Variants in MICAL3 observed in about 807,000 individuals in gnomAD.
The protein encoded by MICAL3 is microtubule associated monooxygenase, calponin and LIM domain containing 3.
Under a neutral mutation model 207.4 loss-of-function variants are expected in MICAL3, and 62 were observed. That is an observed-to-expected ratio of 0.30 (90% CI 0.24 to 0.37). The LOEUF (loss-of-function observed/expected upper bound fraction) is 0.37. MICAL3 is among the 10% of genes least tolerant of loss of function. The pLI is 1.00. For synonymous variants in MICAL3, 1,077 were observed against 1,069.3 expected (o/e 1.01, Z -0.14); for missense variants, 2,368 against 2,635.6 (o/e 0.90, Z 2.22).
intron 1 of MICAL3, among the ~76,000 whole-genome samples, chr22:17,960,365 G>C (rs1934849410): frequency 6.6e-6 from 1 of 152,232 alleles, no homozygotes; most frequent in Admixed American, 6.5e-5. Context: ...AATGGATGCA[G>C]AATAAATGAA....
chr22:17,854,618 C>A (rs1290611248), intron 19 of MICAL3, among the ~76,000 whole-genome samples: 1 of 152,182 alleles, frequency 6.6e-6, no homozygotes, highest in African/African-American at 2.4e-5. Context: ...TCGCTGAGCA[C>A]CTGCACCCCA....
chr22:18,014,371 G>T (rs2146508260), intron 1 of MICAL3, among the ~76,000 whole-genome samples: 1 of 152,272 alleles, frequency 6.6e-6, no homozygotes, highest in East Asian at 1.9e-4. Context: ...GAGAACCCAG[G>T]AACTGTATAT....
intron 19 of MICAL3, chr22:17,842,290 G>A (rs553397745): frequency 1.3e-4 from 63 of 503,826 alleles, no homozygotes; most frequent in Non-Finnish European, 1.8e-4. Flanking sequence ...GAGGGGAGAC[G>A]CAGTCTCCCC....
intron 25 of MICAL3, among the ~76,000 whole-genome samples, chr22:17,819,567 T>A (rs1019427684): frequency 6.6e-6 from 1 of 151,996 alleles, no homozygotes; most frequent in African/African-American, 2.4e-5. Context: ...TTGTCCTCCC[T>A]AGGAAGCTCA....
At chr22:18,009,971 C>T (rs554095850) in intron 1 of MICAL3, among the ~76,000 whole-genome samples, 1 of 88,624 alleles carries the variant, frequency 1.1e-5, no homozygotes, top group Non-Finnish European at 2.2e-5. Context: ...TTTTACACAG[C>T]TCTGTTTTCA....
At chr22:17,922,655 A>G (rs1932828191) in intron 1 of MICAL3, among the ~76,000 whole-genome samples, 1 of 152,156 alleles carries the variant, frequency 6.6e-6, no homozygotes. Flanking sequence ...ATGGCTCGGG[A>G]CGAAAGAAAA....
At chr22:17,945,515 C>T (rs143961526) in intron 1 of MICAL3, among the ~76,000 whole-genome samples, 55 of 152,302 alleles carry the variant, frequency 3.6e-4, no homozygotes, top group African/African-American at 1.3e-3. Flanking sequence ...AGACCTTCAC[C>T]CATTCACATT....
chr22:17,854,180 A>ATTT (rs1925644210), intron 19 of MICAL3, among the ~76,000 whole-genome samples: 1 of 151,814 alleles, frequency 6.6e-6, no homozygotes, highest in Non-Finnish European at 1.5e-5. Flanking sequence ...CCCCTGGGTC[A>ATTT]CTTGGCAATG....
intron 23 of MICAL3, among the ~76,000 whole-genome samples, chr22:17,822,618 A>AC (rs1004647583): frequency 4.4e-4 from 67 of 151,718 alleles, no homozygotes; most frequent in African/African-American, 9.9e-4. Context: ...CTCGTCCCTG[A>AC]CCCCCTCAGC....
chr22:17,847,517 A>T (rs1207428221), intron 19 of MICAL3, among the ~76,000 whole-genome samples: 1 of 152,244 alleles, frequency 6.6e-6, no homozygotes, highest in Non-Finnish European at 1.5e-5. Flanking sequence ...GTGACACAGC[A>T]GACAAGATCT....
chr22:17,874,747 C>T (rs1165520936), intron 16 of MICAL3, among the ~76,000 whole-genome samples: 2 of 151,942 alleles, frequency 1.3e-5, no homozygotes, highest in African/African-American at 4.8e-5. Context: ...TGCACATAGG[C>T]CTCAACCCAG....
intron 19 of MICAL3, 100 bp downstream of exon 19, chr22:17,864,799 G>A (rs560347115): frequency 6.2e-7 from 1 of 1,613,960 alleles, no homozygotes; most frequent in Non-Finnish European, 8.5e-7. Flanking sequence ...TTGCCCGAAT[G>A]AAGAAATGTT....
intron 16 of MICAL3, among the ~76,000 whole-genome samples, chr22:17,882,722 G>A (rs756962529): frequency 6.6e-6 from 1 of 152,100 alleles, no homozygotes; most frequent in Non-Finnish European, 1.5e-5. Context: ...AGAACCTAAC[G>A]GGGTTCTCAC....
rs1330155688 is a variant in MICAL3, at chr22:17,790,738, C to T, written c.6003G>A (p.Trp2001Ter). 3 of 1,598,224 alleles carry T rather than the reference C, an allele frequency of 1.9e-6. No individual in the cohort carries two copies. The highest frequency in any genetic ancestry group is 1.7e-5 in the Admixed American group (1 of 57,556). Residue 2001 changes from tryptophan (W) to a stop codon, truncating the protein, a stop_gained, in exon 32 of 32, where the codon TGG (tryptophan) becomes TGA (stop). Transcript: ENST00000441493. LOFTEE classifies it high-confidence loss of function. ...TGGAGCGTTGGGTGGGAGCTCAGGA[C>T]CAGTTAAGGCTGAAGCCCTTGGACA... Reference protein sequence around the residue: ...AMLSKGFSLNWS With the variant: ...AMLSKGFSLN
chr22:17,902,672 A>T lies in MICAL3; in HGVS notation c.548T>A (p.Phe183Tyr). Residue 183 changes from phenylalanine (F) to tyrosine (Y), a missense_variant, in exon 4 of 32, where the codon TTC (phenylalanine) becomes TAC (tyrosine). Transcript: ENST00000441493. This position sits in a 1 kb window ranked among gnomAD's most constrained non-coding sequence, Gnocchi z 4.5. The part of the protein sequence containing the change: ...LGIEIHVNVE[F>Y]QGLIQPPEDQ... ...CTCAGGAGGCTGTATAAGTCCTTGG[A>T]ATTCCACATTGACGTGGATTTCAAT... 6.2e-7 allele frequency: 1 copy of T among 1,608,244 alleles called. No individual in the cohort carries two copies. The highest frequency in any genetic ancestry group is 8.5e-7 in the Non-Finnish European group (1 of 1,177,006).
chr22:17,875,676 G>GTATA (rs1360151417), intron 16 of MICAL3: 3 of 201,596 alleles, frequency 1.5e-5, no homozygotes, highest in South Asian at 5.5e-5. Flanking sequence ...TAAATACCAT[G>GTATA]TATAGTAAAA....
intron 17 of MICAL3, among the ~76,000 whole-genome samples, chr22:17,868,065 G>C (rs546188218): frequency 6.6e-6 from 1 of 152,298 alleles, no homozygotes; most frequent in South Asian, 2.1e-4. Context: ...CCAGAAAACT[G>C]TTTTCTCTAG....
intron 1 of MICAL3, among the ~76,000 whole-genome samples, chr22:18,017,815 A>T (rs1236040859): frequency 6.9e-6 from 1 of 145,426 alleles, no homozygotes; most frequent in Non-Finnish European, 1.5e-5. Context: ...CAGTGGCTCG[A>T]TCTCCGCTCA....
intron 1 of MICAL3, among the ~76,000 whole-genome samples, chr22:17,925,597 G>A (rs941834948): frequency 3.9e-5 from 6 of 152,184 alleles, no homozygotes; most frequent in Non-Finnish European, 7.3e-5. Flanking sequence ...GGAGGTCACA[G>A]CTATCTTGCC....
Sources: allele counts gnomAD v4.1 joint callset (sites outside exome capture counted in the v4.1 genomes callset), GRCh38; gene constraint gnomAD v4.1.1; non-coding constraint Gnocchi (gnomAD v3.1); transcripts MANE v1.5; gene names NCBI Gene and HGNC (gene_info 2026-07-23, HGNC 2026-07-21).